The following TDRD7 variants were observed in gnomAD, a reference collection of about 807,000 sequenced individuals.
The protein encoded by TDRD7 is tudor domain containing 7.
A neutral mutation model predicts 109.8 loss-of-function variants in TDRD7; 47 were observed. The ratio of observed to expected loss-of-function variants is 0.43; its 90% CI spans 0.34 to 0.55. The LOEUF (loss-of-function observed/expected upper bound fraction) is 0.55, where lower values mean the gene tolerates loss of function less well. Ranked by LOEUF, TDRD7 falls within the 20% of genes least tolerant of loss-of-function variation. The pLI is 0.03. For synonymous variants in TDRD7, 424 were observed against 457.3 expected (o/e 0.93, Z 0.93); for missense variants, 1,164 against 1,319.2 (o/e 0.88, Z 1.82).
At chr9:97,435,173 A>G (rs1057080451) in intron 4 of TDRD7, among the ~76,000 whole-genome samples, 11 of 152,102 alleles carry the variant, frequency 7.2e-5, no homozygotes, top group Non-Finnish European at 1.5e-4. Context: ...GCAACTGGAA[A>G]TCTGAATAAG....
rs534575211 is a variant in TDRD7, at chr9:97,412,963, A to G, written c.-7+725A>G. On this transcript the variant is annotated intron_variant, in intron 1 of 16. Coordinates refer to ENST00000355295, the MANE Select transcript of TDRD7 (RefSeq NM_014290.3). This position sits in a 1 kb window ranked among gnomAD's most constrained non-coding sequence, Gnocchi z 4.3. The stretch of plus-strand genomic sequence containing the variant: ...TTCTGCTCCCATTCACTTGAGAGGT[A>G]TATTTCCATTAATAGCTAAAGGTAC... Among the ~76,000 whole-genome samples the G allele has an allele frequency of 6.6e-5, 10 of 152,176 alleles. No individual in the cohort carries two copies. The highest frequency in any genetic ancestry group is 1.5e-4 in the Non-Finnish European group (10 of 68,034).
At chr9:97,475,557 A>C (rs1829004545) in intron 12 of TDRD7, 88 bp downstream of exon 12, 2 of 912,992 alleles carry the variant, frequency 2.2e-6, no homozygotes, top group African/African-American at 1.7e-5. Flanking sequence ...AATTGAATAA[A>C]TACTCACAGA....
At chr9:97,441,030 A>G (rs1471825654) in intron 5 of TDRD7, among the ~76,000 whole-genome samples, 2 of 152,168 alleles carry the variant, frequency 1.3e-5, no homozygotes, top group Non-Finnish European at 2.9e-5. Flanking sequence ...TGGGGAAATA[A>G]AAGTTATCTG....
chr9:97,488,560 G>GTTTTTTTTTT (rs61689126), intron 16 of TDRD7, among the ~76,000 whole-genome samples: 2 of 140,598 alleles, frequency 1.4e-5, no homozygotes, highest in Non-Finnish European at 1.5e-5. Flanking sequence ...AGATTTAATG[G>GTTTTTTTTTT]TTTTTTTTTT....
In TDRD7 at chr9:97,496,025, G is replaced by C. The variant is rs934881291; in HGVS notation, c.*142G>C. 1 of 699,036 alleles carries C rather than the reference G, an allele frequency of 1.4e-6. No homozygotes were observed. The highest frequency in any genetic ancestry group is 1.8e-5 in the African/African-American group (1 of 55,730). The allele number at this position is 699,036 out of a possible 1,614,324, so 43.3% of individuals were successfully genotyped here. ...AAGAATATGCTTATGTTTGATGAAA[G>C]ATATTTAACAAGTTTTGTTTTAACA... On this transcript the variant is annotated 3_prime_UTR_variant, in exon 17 of 17. Transcript: ENST00000355295.
chr9:97,426,043 G>T (rs1268766522), intron 1 of TDRD7, among the ~76,000 whole-genome samples: 1 of 152,192 alleles, frequency 6.6e-6, no homozygotes, highest in Non-Finnish European at 1.5e-5. Flanking sequence ...AAAAGATACA[G>T]TAAAAATATG....
At chr9:97,449,449 GT>G (rs1828453874) in intron 6 of TDRD7, among the ~76,000 whole-genome samples, 1 of 152,202 alleles carries the variant, frequency 6.6e-6, no homozygotes, top group Admixed American at 6.5e-5. Flanking sequence ...TCCTCTTTGG[GT>G]TTGATTAATT....
Position 97,470,573 on chromosome 9 carries a change from T to C in TDRD7, c.1645T>C (p.Tyr549His), listed in dbSNP as rs1174105151. ...ENKIKVCYVDYGFSENVEKSK... is the reference protein window; with the variant it reads ...ENKIKVCYVDHGFSENVEKSK... ...TAATCATTAGGTATGCTATGTTGAC[T>C]ATGGTTTTAGTGAAAATGTTGAAAA... The change falls in exon 9 of 17, where the codon TAT becomes CAT. Residue 549 changes from tyrosine (Y) to histidine (H), a missense_variant. Around this residue, in one of 5 missense-constraint regions of TDRD7, gnomAD observed 261 missense variants for 336.2 expected, o/e 0.78. Coordinates refer to ENST00000355295, the MANE Select transcript of TDRD7 (RefSeq NM_014290.3). The C allele has an allele frequency of 6.2e-7, 1 of 1,613,458 alleles. No individual in the cohort carries two copies. The highest frequency in any genetic ancestry group is 8.5e-7 in the Non-Finnish European group (1 of 1,179,730).
chr9:97,491,912 T>G (rs942581136), intron 16 of TDRD7, among the ~76,000 whole-genome samples: 10 of 152,222 alleles, frequency 6.6e-5, no homozygotes, highest in African/African-American at 2.4e-4. Context: ...GGTAAAACTC[T>G]CAAAAGTGTG....
rs1564219879 is a variant in TDRD7 at position 97,494,698 on chromosome 9, A to ATATATATATATG, written c.3077-954_3077-953insGTATATATATAT. 6.7e-4 allele frequency among the ~76,000 whole-genome samples: 64 copies of ATATATATATATG among 94,816 alleles called. 1 individual carries two copies. Among genetic ancestry groups the ATATATATATATG allele is most frequent in the Non-Finnish European group, 1.2e-3 (56 of 45,080 alleles). 62.2% of individuals were successfully genotyped at this position (94,816 alleles called of 152,430 possible). Reference sequence around the variant, plus strand: ...TTGAAATATGTATATATATATGTATATATATATATATATATTTTTTTTTTT... The same window carrying ATATATATATATG: ...TTGAAATATGTATATATATATGTATATATATATATATGTATATATATATATATTTTTTTTTTT... On this transcript the variant is annotated intron_variant, in intron 16 of 16. Transcript: ENST00000355295.
chr9:97,451,681 C>A lies in TDRD7; in HGVS notation c.856-8497C>A, dbSNP rs1233872151. ...AAACTAAAGAGAGGGTCTTGGGAAC[C>A]CCAGCTTGATCCAGGTGGTCAGAAG... On this transcript the variant is annotated intron_variant, in intron 6 of 16. Transcript: ENST00000355295. 3.9e-5 allele frequency among the ~76,000 whole-genome samples: 6 copies of A among 152,310 alleles called. No homozygotes were observed. In the East Asian group the frequency reaches 1.2e-3, roughly 29 times the overall value.
intron 8 of TDRD7, 63 bp from the exon 9 acceptor site, chr9:97,470,495 G>C: frequency 7.0e-7 from 1 of 1,425,686 alleles, no homozygotes; most frequent in Non-Finnish European, 9.9e-7. Flanking sequence ...CCAATTAAGT[G>C]TATCAAATGA....
At chr9:97,459,707 G>A (rs1282597345) in intron 6 of TDRD7, among the ~76,000 whole-genome samples, 1 of 152,176 alleles carries the variant, frequency 6.6e-6, no homozygotes, top group African/African-American at 2.4e-5. Context: ...CTAAATAATG[G>A]AAAGCCAAGG....
intron 6 of TDRD7, among the ~76,000 whole-genome samples, chr9:97,442,176 TAAACAC>T (rs1247224009): frequency 2.2e-4 from 34 of 152,342 alleles, no homozygotes; most frequent in African/African-American, 6.7e-4. Flanking sequence ...CTGTTACCAG[TAAACAC>T]TGATAGCTTT....
chr9:97,415,458 A>G (rs573704414), intron 1 of TDRD7, among the ~76,000 whole-genome samples: 152 of 152,320 alleles, frequency 1.0e-3, no homozygotes, highest in African/African-American at 3.4e-3. Flanking sequence ...CAGGTATAGT[A>G]AAGAGAAAAG....
At chr9:97,428,832 A>G (rs1477306091) in intron 2 of TDRD7, among the ~76,000 whole-genome samples, 160 bp downstream of exon 2, 2 of 152,262 alleles carry the variant, frequency 1.3e-5, no homozygotes, top group Non-Finnish European at 2.9e-5. Context: ...AGCACAGCCT[A>G]CATTCTTATG....
intron 1 of TDRD7, among the ~76,000 whole-genome samples, chr9:97,426,091 C>G (rs1827989892): frequency 6.6e-6 from 1 of 152,148 alleles, no homozygotes; most frequent in South Asian, 2.1e-4. Flanking sequence ...ATATAGGTCA[C>G]TTGCCATGAA....
intron 6 of TDRD7, among the ~76,000 whole-genome samples, chr9:97,453,860 T>C (rs1305790283): frequency 6.6e-6 from 1 of 152,146 alleles, no homozygotes; most frequent in Non-Finnish European, 1.5e-5. Context: ...CTATTCTAAA[T>C]ATATATGCAC....
intron 11 of TDRD7, among the ~76,000 whole-genome samples, chr9:97,474,174 TCTA>T (rs1176553615): frequency 1.3e-5 from 2 of 152,184 alleles, no homozygotes; most frequent in Non-Finnish European, 1.5e-5. Context: ...ATCCTTTAAT[TCTA>T]CTATTTTTTT....
Sources: allele counts gnomAD v4.1 joint callset (sites outside exome capture counted in the v4.1 genomes callset), GRCh38; gene constraint gnomAD v4.1.1; regional missense constraint gnomAD v4.1.1; non-coding constraint Gnocchi (gnomAD v3.1); transcripts MANE v1.5; gene names NCBI Gene and HGNC (gene_info 2026-07-23, HGNC 2026-07-21).